Variants in THAP6 observed in about 807,000 individuals in gnomAD.
The protein encoded by THAP6 is THAP domain-containing protein 6.
THAP6 carries 13 observed loss-of-function variants against 20.0 expected under a neutral mutation model. That is an observed-to-expected ratio of 0.65 (90% CI 0.42 to 1.03). The LOEUF (loss-of-function observed/expected upper bound fraction) is 1.03. Ranked by LOEUF, THAP6 falls within the 50% of genes least tolerant of loss-of-function variation. The pLI is 0.00. For missense variants in THAP6, 262 were observed against 261.6 expected, an observed-to-expected ratio of 1.00 and a Z score of -0.01; for synonymous variants, 93 against 92.2, an observed-to-expected ratio of 1.01 and a Z score of -0.05.
At chr4:75,542,061 T>C (rs1360295383) in intron 2 of THAP6, among the ~76,000 whole-genome samples, 2 of 152,220 alleles carry the variant, frequency 1.3e-5, no homozygotes, top group Non-Finnish European at 2.9e-5. Context: ...TAAAGTTGGA[T>C]GTAAGTCTTG....
At position 75,529,187 on chromosome 4, in the gene THAP6, T is replaced by G; in HGVS notation, c.*1973T>G. 8.1e-6 allele frequency: 8 copies of G among 984,076 alleles called. No homozygotes were observed. Among genetic ancestry groups the G allele is most frequent in the Non-Finnish European group, 9.7e-6 (8 of 828,718 alleles). The allele number at this position is 984,076 out of a possible 1,614,324, so 61.0% of individuals were successfully genotyped here. A position where few individuals can be genotyped will look rare whatever the true frequency, so the allele number is the denominator to read the frequency against. The stretch of plus-strand genomic sequence containing the variant: ...ATGGAGATGTTTTCAATAGAGATTA[T>G]TTTTCCCTCACCCTATTTGTGAATA... On this transcript the variant is annotated 3_prime_UTR_variant, in exon 5 of 5. Transcript: ENST00000311638.
upstream of THAP6, chr4:75,514,249 T>C (rs781215465): frequency 1.2e-6 from 2 of 1,613,008 alleles, no homozygotes; most frequent in Non-Finnish European, 1.7e-6. Context: ...ACCTCGCTCT[T>C]GACCGCTGGC....
intron 3 of THAP6, among the ~76,000 whole-genome samples, chr4:75,546,027 T>G (rs1727120422): frequency 6.6e-6 from 1 of 152,206 alleles, no homozygotes; most frequent in African/African-American, 2.4e-5. Context: ...AGGGTTTTTT[T>G]CCTTCTCAGG....
rs192889778 is a variant in THAP6 at position 75,520,619 on chromosome 4, A to G, written c.289-1117A>G. On this transcript the variant is annotated intron_variant, in intron 3 of 4. Coordinates refer to ENST00000311638, the MANE Select transcript of THAP6 (RefSeq NM_144721.6). The stretch of plus-strand genomic sequence containing the variant: ...CTTATTTTAAACAGGACTAAAATGA[A>G]CATTATTGTAGCTGGCTTATATCCT... 1.4e-4 allele frequency among the ~76,000 whole-genome samples: 22 copies of G among 152,328 alleles called. No homozygotes were observed. In the East Asian group the frequency reaches 4.0e-3, roughly 28 times the overall value.
intron 2 of THAP6, among the ~76,000 whole-genome samples, chr4:75,536,947 A>G (rs1726875071): frequency 6.6e-6 from 1 of 152,234 alleles, no homozygotes; most frequent in Non-Finnish European, 1.5e-5. Context: ...ATTTCAGAGC[A>G]AAGTATATAA....
intron 3 of THAP6, chr4:75,542,556 G>A (rs920806646): frequency 2.0e-5 from 13 of 649,250 alleles, no homozygotes; most frequent in South Asian, 1.7e-4. Context: ...CTATAAGGTA[G>A]GTACTATTAT....
downstream of THAP6, among the ~76,000 whole-genome samples, chr4:75,531,978 T>C (rs1726694781): frequency 6.6e-6 from 1 of 152,078 alleles, no homozygotes; most frequent in Admixed American, 6.6e-5. Flanking sequence ...AACCGTGTCA[T>C]TCCGCCCCAG....
At chr4:75,526,249 T>A (rs35362134) in intron 4 of THAP6, among the ~76,000 whole-genome samples, 2 of 151,960 alleles carry the variant, frequency 1.3e-5, no homozygotes, top group Non-Finnish European at 2.9e-5. Context: ...TCTTTTAGCC[T>A]TGTGTTGGTT....
At chr4:75,537,280 T>C (rs1726886699) in intron 2 of THAP6, among the ~76,000 whole-genome samples, 1 of 152,094 alleles carries the variant, frequency 6.6e-6, no homozygotes. Context: ...ATCACTAATA[T>C]GGTTTGGCTC....
chr4:75,533,336 T>A (rs1404527368), downstream of THAP6, among the ~76,000 whole-genome samples: 6 of 152,182 alleles, frequency 3.9e-5, no homozygotes, highest in Non-Finnish European at 8.8e-5. Context: ...TGAGACCACC[T>A]CAGCCTGGAT....
intron 3 of THAP6, among the ~76,000 whole-genome samples, chr4:75,520,999 A>G (rs1028018277): frequency 6.6e-6 from 1 of 152,062 alleles, no homozygotes; most frequent in Non-Finnish European, 1.5e-5. Context: ...TTGTAAAAAC[A>G]CTGGATATTG....
At chr4:75,539,173 A>T (rs1397679663) in intron 2 of THAP6, among the ~76,000 whole-genome samples, 1 of 152,224 alleles carries the variant, frequency 6.6e-6, no homozygotes, top group Middle Eastern at 3.2e-3. Flanking sequence ...TCTTGAATTC[A>T]GCCTAATGCC....
downstream of THAP6, among the ~76,000 whole-genome samples, chr4:75,533,976 G>T (rs559385944): frequency 1.4e-5 from 2 of 145,868 alleles, no homozygotes; most frequent in South Asian, 4.3e-4. Flanking sequence ...TGTTCTCATT[G>T]TTCAATTCCC....
chr4:75,525,929 T>C (rs1249678374), intron 4 of THAP6, among the ~76,000 whole-genome samples: 1 of 152,216 alleles, frequency 6.6e-6, no homozygotes, highest in Non-Finnish European at 1.5e-5. Context: ...CATGTGCATG[T>C]GCTGATCTTA....
intron 2 of THAP6, among the ~76,000 whole-genome samples, chr4:75,541,710 C>G (rs1727009668): frequency 6.6e-6 from 1 of 152,154 alleles, no homozygotes; most frequent in Admixed American, 6.5e-5. Context: ...TAATCCAGCA[C>G]TTTGGGAGGC....
At position 75,527,736 on chromosome 4, in the gene THAP6, G is replaced by T; in HGVS notation, c.*522G>T. On this transcript the variant is annotated 3_prime_UTR_variant, in exon 5 of 5. Transcript: ENST00000311638. ...AGGATCTTTTTACAAGGCTTCCTGT[G>T]GTATTGACTCTGAGAATAACACATA... 2 of 988,834 alleles carry T rather than the reference G, an allele frequency of 2.0e-6. No individual in the cohort carries two copies. Among genetic ancestry groups the T allele is most frequent in the Non-Finnish European group, 2.4e-6 (2 of 832,038 alleles). 61.3% of individuals were successfully genotyped at this position (988,834 alleles called of 1,614,324 possible).
intron 3 of THAP6, chr4:75,542,975 G>GT (rs1727047839): frequency 6.5e-6 from 1 of 153,382 alleles, no homozygotes. Flanking sequence ...AGCATAAACA[G>GT]GGCAGATGCA....
At chr4:75,541,963 A>C (rs1322699600) in intron 2 of THAP6, among the ~76,000 whole-genome samples, 1 of 152,178 alleles carries the variant, frequency 6.6e-6, no homozygotes, top group African/African-American at 2.4e-5. Context: ...TCCAAAAAAA[A>C]AAAAAAAGAA....
chr4:75,520,899 T>C (rs1725981912), intron 3 of THAP6, among the ~76,000 whole-genome samples: 1 of 152,194 alleles, frequency 6.6e-6, no homozygotes, highest in Non-Finnish European at 1.5e-5. Context: ...CTCGTGCGTG[T>C]CTATGTTTTT....
Sources: allele counts gnomAD v4.1 joint callset (sites outside exome capture counted in the v4.1 genomes callset), GRCh38; gene constraint gnomAD v4.1.1; transcripts MANE v1.5; gene names NCBI Gene and HGNC (gene_info 2026-07-23, HGNC 2026-07-21).